The following PRKCE variants were observed in gnomAD, a reference collection of about 807,000 sequenced individuals.
The protein encoded by PRKCE is protein kinase C epsilon.
A neutral mutation model predicts 85.4 loss-of-function variants in PRKCE; 16 were observed. The observed-to-expected ratio is 0.19, with a 90% CI of 0.13 to 0.28. The LOEUF is 0.28. Among genes scored for constraint, PRKCE ranks in the 10% least tolerant of loss-of-function variants. The probability of loss-of-function intolerance (pLI) is 1.00; values close to 1 mark genes in which losing one functional copy is unlikely to be tolerated. For missense variants in PRKCE, 573 were observed against 975.2 expected (o/e 0.59, Z 5.49); for synonymous variants, 388 against 371.5 (o/e 1.04, Z -0.51).
intron 10 of PRKCE, among the ~76,000 whole-genome samples, chr2:46,016,282 G>T (rs1706136759): frequency 6.6e-6 from 1 of 152,130 alleles, no homozygotes; most frequent in African/African-American, 2.4e-5. Context: ...TGAGGGGTAA[G>T]CTCTACTCTC....
At chr2:45,856,030 A>G (rs372314882) in intron 2 of PRKCE, among the ~76,000 whole-genome samples, 3 of 152,186 alleles carry the variant, frequency 2.0e-5, no homozygotes, top group Non-Finnish European at 4.4e-5. Flanking sequence ...AAACCCTTAT[A>G]GAAAGATGGA....
chr2:45,966,150 A>T (rs550973844), intron 2 of PRKCE, among the ~76,000 whole-genome samples: 48 of 152,320 alleles, frequency 3.2e-4, no homozygotes, highest in Non-Finnish European at 6.3e-4. Flanking sequence ...GCCTTTCACA[A>T]GACAGTTATT....
rs567209321 is a variant in PRKCE, at chr2:45,833,245, A to G, written c.349-9755A>G. 2.6e-5 allele frequency among the ~76,000 whole-genome samples: 4 copies of G among 152,270 alleles called. No individual in the cohort carries two copies. In the East Asian group the frequency reaches 7.7e-4, roughly 29 times the overall value. On this transcript the variant is annotated intron_variant, in intron 1 of 14. Transcript: ENST00000306156. ...GGTTGTGATACTACAGGGACAGAAA[A>G]TTTCCTGATATGAAGATAATTTTTC... is the stretch of plus-strand genomic sequence containing the variant.
intron 11 of PRKCE, among the ~76,000 whole-genome samples, chr2:46,132,302 A>G (rs967898280): frequency 6.6e-6 from 1 of 152,128 alleles, no homozygotes; most frequent in Non-Finnish European, 1.5e-5. Flanking sequence ...AATCTCACCC[A>G]CATTCATTCT....
chr2:45,664,549 G>C (rs1414469248), intron 1 of PRKCE, among the ~76,000 whole-genome samples: 2 of 152,126 alleles, frequency 1.3e-5, no homozygotes, highest in Non-Finnish European at 2.9e-5. Flanking sequence ...CTCCCTCTTG[G>C]AAATGAATGA....
chr2:45,734,835 GC>G (rs1681913626), intron 1 of PRKCE, among the ~76,000 whole-genome samples: 1 of 152,216 alleles, frequency 6.6e-6, no homozygotes, highest in African/African-American at 2.4e-5. Flanking sequence ...CCTGAGGGCA[GC>G]CCTCATGGAA....
intron 1 of PRKCE, among the ~76,000 whole-genome samples, chr2:45,717,443 A>C (rs542763821): frequency 7.2e-5 from 11 of 152,242 alleles, no homozygotes; most frequent in Non-Finnish European, 1.3e-4. Context: ...GCATGTAAAC[A>C]TAGATAAGTA....
chr2:45,758,019 G>A (rs72886143), intron 1 of PRKCE, among the ~76,000 whole-genome samples: 6 of 152,170 alleles, frequency 3.9e-5, no homozygotes, highest in African/African-American at 1.4e-4. Flanking sequence ...AATAAGCAAG[G>A]CCTAAAAGAC....
Position 45,963,760 on chromosome 2 carries a change from G to A in PRKCE, c.413-12669G>A, listed in dbSNP as rs765299781. On this transcript the variant is annotated intron_variant, in intron 2 of 14. Transcript: ENST00000306156. ...TACCCACCTGGTCAGCATTCTGGGCGCCCTGCCGGGACTCCAGATCTCTTG... is the reference window on the plus strand; with the variant it reads ...TACCCACCTGGTCAGCATTCTGGGCACCCTGCCGGGACTCCAGATCTCTTG... Among the ~76,000 whole-genome samples, 5 of 152,302 alleles carry A rather than the reference G, an allele frequency of 3.3e-5. No homozygotes were observed. In the South Asian group the frequency reaches 8.3e-4, roughly 25 times the overall value.
At chr2:45,836,190 C>G (rs1400579879) in intron 1 of PRKCE, among the ~76,000 whole-genome samples, 4 of 152,208 alleles carry the variant, frequency 2.6e-5, no homozygotes, top group Admixed American at 2.0e-4. Context: ...AGACAGGGTC[C>G]TGCTTTGCAG....
intron 10 of PRKCE, among the ~76,000 whole-genome samples, chr2:46,024,306 A>AT (rs34612971): frequency 0.18 from 24,993 of 139,304 alleles, 2,664 homozygotes; most frequent in Non-Finnish European, 0.25. Flanking sequence ...TTATGAGGAC[A>AT]TTTTTTTTTT....
intron 1 of PRKCE, among the ~76,000 whole-genome samples, chr2:45,832,461 C>T (rs1255754730): frequency 6.6e-6 from 1 of 152,054 alleles, no homozygotes; most frequent in Middle Eastern, 3.2e-3. Context: ...TACAGGTGCA[C>T]TCCACCATGC....
chr2:45,671,182 T>A lies in PRKCE; in HGVS notation c.348+18734T>A, dbSNP rs191093825. On this transcript the variant is annotated intron_variant, in intron 1 of 14. Transcript: ENST00000306156. ...AATGGGGATACATTTATTCAACAAT[T>A]TGTACTGTTTTCTTTTGATTCTCCC... Among the ~76,000 whole-genome samples, 15 of 152,306 alleles carry A rather than the reference T, an allele frequency of 9.8e-5. No homozygotes were observed. In the East Asian group the frequency reaches 2.9e-3, roughly 29 times the overall value.
At chr2:46,013,920 G>A (rs1449984729) in intron 10 of PRKCE, among the ~76,000 whole-genome samples, 1 of 152,106 alleles carries the variant, frequency 6.6e-6, no homozygotes, top group Non-Finnish European at 1.5e-5. Flanking sequence ...TATCTAATAC[G>A]GTGACCAATG....
At chr2:45,756,203 A>T (rs181589955) in intron 1 of PRKCE, among the ~76,000 whole-genome samples, 8 of 152,220 alleles carry the variant, frequency 5.3e-5, no homozygotes, top group Admixed American at 1.3e-4. Context: ...TGCTTATCAG[A>T]TGAAGATCCA....
At chr2:45,821,801 G>A (rs909856968) in intron 1 of PRKCE, among the ~76,000 whole-genome samples, 1 of 152,190 alleles carries the variant, frequency 6.6e-6, no homozygotes, top group Non-Finnish European at 1.5e-5. Flanking sequence ...GGCAAGAAGT[G>A]TCCCGATGGC....
chr2:45,955,802 A>G (rs375397484), intron 2 of PRKCE, among the ~76,000 whole-genome samples: 86 of 152,338 alleles, frequency 5.6e-4, no homozygotes, highest in African/African-American at 2.0e-3. Context: ...CTATTTAAAA[A>G]AAAAACAAAG....
At chr2:45,702,243 G>C (rs1678708856) in intron 1 of PRKCE, among the ~76,000 whole-genome samples, 1 of 152,130 alleles carries the variant, frequency 6.6e-6, no homozygotes, top group South Asian at 2.1e-4. Context: ...ACTTGAAAAT[G>C]GGAGTCCTCC....
chr2:46,046,716 C>G (rs938510500), intron 10 of PRKCE, among the ~76,000 whole-genome samples: 1 of 152,018 alleles, frequency 6.6e-6, no homozygotes, highest in African/African-American at 2.4e-5. Flanking sequence ...ACAGCAGCAA[C>G]ATGATAGCGC....
Sources: gnomAD v4.1 joint callset for allele counts (sites outside exome capture counted in the v4.1 genomes callset) on GRCh38, gnomAD v4.1.1 for gene constraint, MANE v1.5 for transcripts, NCBI Gene and HGNC (gene_info 2026-07-23, HGNC 2026-07-21) for gene names.